Variants in OPA1 observed in about 807,000 individuals in gnomAD.
OPA1 encodes dynamin-like GTPase OPA1, mitochondrial.
In OPA1, 59 loss-of-function variants were observed where a neutral mutation model predicts 152.9. The ratio of observed to expected loss-of-function variants is 0.39; its 90% CI spans 0.31 to 0.48. OPA1 has a LOEUF of 0.48. Among genes scored for constraint, OPA1 ranks in the 20% least tolerant of loss-of-function variants. The pLI, the probability that OPA1 is intolerant of heterozygous loss-of-function variation, is 0.96. For synonymous variants in OPA1, 400 were observed against 389.9 expected (o/e 1.03, Z -0.31); for missense variants, 1,008 against 1,216.8 (o/e 0.83, Z 2.55).
At chr3:193,655,631 A>G (rs566387193) in intron 22 of OPA1, among the ~76,000 whole-genome samples, 1 of 152,232 alleles carries the variant, frequency 6.6e-6, no homozygotes, top group Non-Finnish European at 1.5e-5. Context: ...AATGGTGACA[A>G]TAATGTTGCC....
intron 6 of OPA1, among the ~76,000 whole-genome samples, chr3:193,622,518 A>G (rs1284374989): frequency 1.3e-5 from 2 of 151,912 alleles, no homozygotes; most frequent in Non-Finnish European, 2.9e-5. Context: ...TGAGCCACCC[A>G]GCAGTCTGAT....
chr3:193,624,546 G>A (rs894691034), intron 6 of OPA1, among the ~76,000 whole-genome samples: 3 of 151,978 alleles, frequency 2.0e-5, no homozygotes, highest in Non-Finnish European at 4.4e-5. Context: ...TTTTTTAAAG[G>A]TAAAAATTAT....
intron 21 of OPA1, 93 bp from the exon 22 acceptor site, chr3:193,654,769 C>T (rs1193952869): frequency 1.5e-6 from 2 of 1,296,484 alleles, no homozygotes; most frequent in Non-Finnish European, 2.2e-6. Flanking sequence ...TAAATATGTA[C>T]AGTTTATTAT....
chr3:193,691,551 A>G (rs1311881850), intron 29 of OPA1: 2 of 152,336 alleles, frequency 1.3e-5, no homozygotes, highest in Non-Finnish European at 2.9e-5. Context: ...ATGACATATA[A>G]ATAAAAGTAT....
At chr3:193,659,655 G>C (rs1714751747) in intron 25 of OPA1, 94 bp downstream of exon 25, 3 of 853,744 alleles carry the variant, frequency 3.5e-6, no homozygotes, top group African/African-American at 1.7e-5. Context: ...CTCTAGACCA[G>C]TCTCAGGAAT....
At chr3:193,623,777 G>A (rs1730575686) in intron 6 of OPA1, among the ~76,000 whole-genome samples, 1 of 152,168 alleles carries the variant, frequency 6.6e-6, no homozygotes, top group African/African-American at 2.4e-5. Context: ...ATCTTGCACA[G>A]TAGGTGCATA....
chr3:193,619,931 C>G (rs1464480536), intron 6 of OPA1, among the ~76,000 whole-genome samples: 1 of 151,132 alleles, frequency 6.6e-6, no homozygotes, highest in African/African-American at 2.4e-5. Context: ...TTTCTTTTGC[C>G]TTTTAATTTT....
chr3:193,683,694 GATT>G (rs1720516285), intron 29 of OPA1, among the ~76,000 whole-genome samples: 1 of 152,184 alleles, frequency 6.6e-6, no homozygotes, highest in Non-Finnish European at 1.5e-5. Context: ...CCAGCAAAAA[GATT>G]ATGACTTGCT....
At chr3:193,681,069 T>A (rs538205483) in intron 29 of OPA1, among the ~76,000 whole-genome samples, 2 of 152,326 alleles carry the variant, frequency 1.3e-5, no homozygotes, top group East Asian at 3.9e-4. Flanking sequence ...TGCTTTTACT[T>A]CTGTTGCTGA....
chr3:193,697,113 T>C lies in OPA1; in HGVS notation c.*2513T>C, dbSNP rs1208954832. ...CTTCCCAGCCTCACAATGTGGGAATTTGACATAGGATGAGAGTCAGAGTAT... is the reference window on the plus strand; with the variant it reads ...CTTCCCAGCCTCACAATGTGGGAATCTGACATAGGATGAGAGTCAGAGTAT... On this transcript the variant is annotated 3_prime_UTR_variant, in exon 31 of 31. Transcript: ENST00000361510. 1.3e-5 allele frequency: 2 copies of C among 152,216 alleles called. No homozygotes were observed. Among genetic ancestry groups the C allele is most frequent in the Non-Finnish European group, 2.9e-5 (2 of 68,032 alleles). The allele number at this position is 152,216 out of a possible 1,614,324, so 9.4% of individuals were successfully genotyped here. A position where few individuals can be genotyped will look rare whatever the true frequency, so the allele number is the denominator to read the frequency against.
chr3:193,658,805 T>C, intron 23 of OPA1, 82 bp from the exon 24 acceptor site: 2 of 931,824 alleles, frequency 2.1e-6, no homozygotes, highest in African/African-American at 1.6e-5. Flanking sequence ...TTTCCATATT[T>C]ACTAAGCTGT....
At chr3:193,686,836 A>T (rs1022335361) in intron 29 of OPA1, among the ~76,000 whole-genome samples, 7 of 152,234 alleles carry the variant, frequency 4.6e-5, no homozygotes, top group Non-Finnish European at 1.5e-5. Context: ...AGCATGTTAT[A>T]CAACAGTTCC....
intron 22 of OPA1, 87 bp from the exon 23 acceptor site, chr3:193,656,993 T>C (rs1714003205): frequency 8.8e-7 from 1 of 1,135,262 alleles, no homozygotes; most frequent in South Asian, 1.5e-5. Flanking sequence ...TTATCACATC[T>C]GTTTGGCTTG....
At chr3:193,598,544 C>T (rs1021829315) in intron 1 of OPA1, among the ~76,000 whole-genome samples, 2 of 152,062 alleles carry the variant, frequency 1.3e-5, no homozygotes, top group African/African-American at 4.8e-5. Flanking sequence ...AACAATAAGG[C>T]TCATGTAGGG....
rs1218781251 is a variant in OPA1 at position 193,656,525 on chromosome 3, G to T, written c.2179-555G>T. Among the ~76,000 whole-genome samples the T allele has an allele frequency of 2.0e-5, 3 of 152,258 alleles. No homozygotes were observed. The East Asian group carries it at 5.8e-4, about 29-fold the overall frequency. ...TCTTCGGCTATGTTTTAAAGTGTTG[G>T]TGCATTGCTTCATATCTTTGCTTAA... On this transcript the variant is annotated intron_variant, in intron 22 of 30. Transcript: ENST00000361510.
intron 30 of OPA1, among the ~76,000 whole-genome samples, chr3:193,694,179 A>G (rs1347426421): frequency 1.3e-5 from 2 of 152,208 alleles, no homozygotes; most frequent in East Asian, 1.9e-4. Context: ...ATCTGGACAG[A>G]TGATCTGTTT....
At chr3:193,648,278 G>C in intron 20 of OPA1, 144 bp downstream of exon 20, 1 of 635,064 alleles carries the variant, frequency 1.6e-6, no homozygotes, top group Non-Finnish European at 2.8e-6. Flanking sequence ...ACATCTCTAG[G>C]AGCAGTTATC....
intron 16 of OPA1, 50 bp from the exon 17 acceptor site, chr3:193,645,503 A>G: frequency 7.0e-7 from 1 of 1,432,802 alleles, no homozygotes; most frequent in Non-Finnish European, 9.8e-7. Flanking sequence ...ACGCTTTTAA[A>G]ACTTATGTAA....
At chr3:193,593,595 C>T (rs1484893292) in intron 1 of OPA1, among the ~76,000 whole-genome samples, 186 bp downstream of exon 1, 2 of 152,124 alleles carry the variant, frequency 1.3e-5, no homozygotes, top group Non-Finnish European at 2.9e-5. Flanking sequence ...TCGGAGCCGG[C>T]TTCAATACTG....
Sources: allele counts gnomAD v4.1 joint callset (sites outside exome capture counted in the v4.1 genomes callset), GRCh38; gene constraint gnomAD v4.1.1; transcripts MANE v1.5; gene names NCBI Gene and HGNC (gene_info 2026-07-23, HGNC 2026-07-21).